DSCAM: variants seen among roughly 807,000 people sequenced by gnomAD.
The protein encoded by DSCAM is cell adhesion molecule DSCAM.
DSCAM carries 47 observed loss-of-function variants against 217.7 expected under a neutral mutation model. The ratio of observed to expected loss-of-function variants is 0.22; its 90% CI spans 0.17 to 0.28. The LOEUF (loss-of-function observed/expected upper bound fraction) is 0.28. DSCAM is among the 10% of genes least tolerant of loss of function. The pLI, the probability that DSCAM is intolerant of heterozygous loss-of-function variation, is 1.00. For synonymous variants in DSCAM, 1,056 were observed against 1,015.3 expected (o/e 1.04, Z -0.76); for missense variants, 2,080 against 2,618.3 (o/e 0.79, Z 4.49).
At chr21:40,636,055 T>C (rs1188828279) in intron 3 of DSCAM, among the ~76,000 whole-genome samples, 1 of 152,166 alleles carries the variant, frequency 6.6e-6, no homozygotes, top group East Asian at 1.9e-4. Context: ...AAAAACGTGA[T>C]AAGAAGATTG....
chr21:40,169,592 T>C (rs1205855839), intron 15 of DSCAM, among the ~76,000 whole-genome samples: 1 of 152,112 alleles, frequency 6.6e-6, no homozygotes, highest in Non-Finnish European at 1.5e-5. Context: ...AGAATGATAC[T>C]ATAAGAATGC....
chr21:40,017,698 T>TGC (rs1555859854), intron 32 of DSCAM, among the ~76,000 whole-genome samples: 10 of 152,108 alleles, frequency 6.6e-5, no homozygotes, highest in East Asian at 3.9e-4. Flanking sequence ...ATTACAGGCA[T>TGC]GCACCACCAC....
chr21:40,501,655 G>A (rs565034557), intron 3 of DSCAM, among the ~76,000 whole-genome samples: 20 of 152,280 alleles, frequency 1.3e-4, no homozygotes, highest in East Asian at 3.9e-4. Context: ...GCAATGGCAC[G>A]ATCTCTGCTC....
At chr21:40,579,211 A>G (rs1456082088) in intron 3 of DSCAM, among the ~76,000 whole-genome samples, 2 of 152,146 alleles carry the variant, frequency 1.3e-5, no homozygotes, top group Non-Finnish European at 2.9e-5. Context: ...GCAACAATAC[A>G]TATGAAGTTC....
intron 1 of DSCAM, among the ~76,000 whole-genome samples, chr21:40,797,133 C>T (rs1447168227): frequency 6.6e-6 from 1 of 152,108 alleles, no homozygotes; most frequent in Non-Finnish European, 1.5e-5. Context: ...GGACTGTATG[C>T]TTGTAGGGGA....
chr21:40,745,273 G>T (rs1278729030), intron 1 of DSCAM, among the ~76,000 whole-genome samples: 1 of 152,118 alleles, frequency 6.6e-6, no homozygotes, highest in East Asian at 1.9e-4. Context: ...CCTAAATCTG[G>T]AGAAAAAGGA....
chr21:40,837,287 T>A (rs954276908), intron 1 of DSCAM, among the ~76,000 whole-genome samples: 1 of 152,108 alleles, frequency 6.6e-6, no homozygotes, highest in Non-Finnish European at 1.5e-5. Context: ...TCCTCAGCAA[T>A]GGGGCGGTAG....
At chr21:40,428,112 T>TTGA (rs2075493168) in intron 3 of DSCAM, among the ~76,000 whole-genome samples, 1 of 152,192 alleles carries the variant, frequency 6.6e-6, no homozygotes, top group African/African-American at 2.4e-5. Flanking sequence ...AAATTTAGGC[T>TTGA]TGGCATGTTC....
intron 25 of DSCAM, 46 bp from the exon 26 acceptor site, chr21:40,079,023 A>G (rs1258693396): frequency 1.9e-6 from 3 of 1,586,364 alleles, no homozygotes; most frequent in Admixed American, 3.4e-5. Context: ...ACACATGGGG[A>G]GGCCATCAGC....
At chr21:40,290,876 C>A (rs544760058) in intron 10 of DSCAM, among the ~76,000 whole-genome samples, 2 of 152,314 alleles carry the variant, frequency 1.3e-5, no homozygotes, top group South Asian at 2.1e-4. Context: ...TAACACAGAA[C>A]TGGCAATTGC....
chr21:40,066,476 C>A (rs1195988720), intron 27 of DSCAM, among the ~76,000 whole-genome samples: 1 of 152,200 alleles, frequency 6.6e-6, no homozygotes, highest in African/African-American at 2.4e-5. Flanking sequence ...ACTTGGGAAT[C>A]TCTTCTTTGA....
At chr21:40,782,591 A>T (rs1041077527) in intron 1 of DSCAM, among the ~76,000 whole-genome samples, 1 of 152,122 alleles carries the variant, frequency 6.6e-6, no homozygotes, top group Non-Finnish European at 1.5e-5. Flanking sequence ...TAGCCAGGGC[A>T]TGGTGGCATG....
At chr21:40,319,406 A>G (rs1468775184) in intron 8 of DSCAM, among the ~76,000 whole-genome samples, 3 of 152,062 alleles carry the variant, frequency 2.0e-5, no homozygotes, top group African/African-American at 7.3e-5. Flanking sequence ...GAGAAAACAA[A>G]CAAGAAAGGC....
Position 40,247,197 on chromosome 21 carries a change from T to TG in DSCAM, c.2356+28899dup, listed in dbSNP as rs556619706. On this transcript the variant is annotated intron_variant, in intron 11 of 32. Coordinates refer to ENST00000400454, the MANE Select transcript of DSCAM (RefSeq NM_001389.5). ...AGATACAATTCAAGTTGAGATTTGG[T>TG]GGGGGGGCACAGCCAAACCATATCA... Among the ~76,000 whole-genome samples the TG allele has an allele frequency of 3.0e-4, 45 of 152,100 alleles. No homozygotes were observed. In the East Asian group the frequency reaches 3.3e-3, roughly 11 times the overall value.
intron 6 of DSCAM, among the ~76,000 whole-genome samples, chr21:40,340,252 A>G (rs1359950026): frequency 6.6e-6 from 1 of 152,220 alleles, no homozygotes; most frequent in African/African-American, 2.4e-5. Context: ...ACCCAGAACT[A>G]TCGCAGGCAA....
intron 3 of DSCAM, among the ~76,000 whole-genome samples, chr21:40,483,454 C>T (rs2075999448): frequency 1.3e-5 from 2 of 152,164 alleles, no homozygotes; most frequent in African/African-American, 2.4e-5. Flanking sequence ...ACTGGCCAAA[C>T]ATTTCAACAG....
At chr21:40,732,289 C>T (rs1487685807) in intron 1 of DSCAM, among the ~76,000 whole-genome samples, 1 of 152,206 alleles carries the variant, frequency 6.6e-6, no homozygotes, top group Non-Finnish European at 1.5e-5. Flanking sequence ...TAAAGAGAGG[C>T]AGATGCCACC....
chr21:40,371,375 A>C (rs1032233546), intron 3 of DSCAM, among the ~76,000 whole-genome samples: 8 of 152,258 alleles, frequency 5.3e-5, no homozygotes, highest in African/African-American at 1.9e-4. Flanking sequence ...ATAATGCTTT[A>C]ATAATCAGTT....
chr21:40,578,318 C>T (rs952641751), intron 3 of DSCAM, among the ~76,000 whole-genome samples: 1 of 152,150 alleles, frequency 6.6e-6, no homozygotes, highest in African/African-American at 2.4e-5. Flanking sequence ...AGGGTGGGGA[C>T]TTGGAGAACT....
Sources: allele counts gnomAD v4.1 joint callset (sites outside exome capture counted in the v4.1 genomes callset), GRCh38; gene constraint gnomAD v4.1.1; transcripts MANE v1.5; gene names NCBI Gene and HGNC (gene_info 2026-07-23, HGNC 2026-07-21).